The following SETD7 variants were observed in gnomAD, a reference collection of about 807,000 sequenced individuals.
SETD7 encodes histone-lysine N-methyltransferase SETD7.
Under a neutral mutation model 41.8 loss-of-function variants are expected in SETD7, and 16 were observed. The ratio of observed to expected loss-of-function variants is 0.38; its 90% CI spans 0.26 to 0.58. SETD7 has a LOEUF of 0.58. Among genes scored for constraint, SETD7 ranks in the 20% least tolerant of loss-of-function variants. The probability of loss-of-function intolerance (pLI) is 0.64; values close to 1 mark genes in which losing one functional copy is unlikely to be tolerated. For synonymous variants in SETD7, 163 were observed against 169.7 expected, an observed-to-expected ratio of 0.96 and a Z score of 0.31; for missense variants, 346 against 459.7, an observed-to-expected ratio of 0.75 and a Z score of 2.26.
At position 139,556,097 on chromosome 4, in the gene SETD7, C is replaced by G; in HGVS notation, c.40+1G>C. On this transcript the variant is annotated splice_donor_variant, in intron 1 of 7. Transcript: ENST00000274031. LOFTEE classifies it high-confidence loss of function. ...CCCCGGCCCCGGAGAAATGCTTGTA[C>G]CTTCCACCGCCTCCTCCACCATCTC... The G allele has an allele frequency of 6.2e-7, 1 of 1,601,854 alleles. No individual in the cohort carries two copies. The highest frequency in any genetic ancestry group is 8.5e-7 in the Non-Finnish European group (1 of 1,174,988).
At chr4:139,529,965 A>G (rs941341794) in intron 3 of SETD7, among the ~76,000 whole-genome samples, 3 of 152,202 alleles carry the variant, frequency 2.0e-5, no homozygotes, top group Middle Eastern at 3.2e-3. Flanking sequence ...ACTTAGCTTC[A>G]TGCTTAACTC....
chr4:139,497,488 T>G, intron 7 of SETD7, among the ~76,000 whole-genome samples: 1 of 151,848 alleles, frequency 6.6e-6, no homozygotes, highest in Admixed American at 6.6e-5. Context: ...ATAAAAAAAT[T>G]TAAAAAGCCC....
At chr4:139,539,155 C>A (rs140197689) in intron 2 of SETD7, among the ~76,000 whole-genome samples, 3 of 152,214 alleles carry the variant, frequency 2.0e-5, no homozygotes, top group Non-Finnish European at 4.4e-5. Flanking sequence ...GGACCTTCCG[C>A]CTCCTGGGGC....
downstream of SETD7, among the ~76,000 whole-genome samples, chr4:139,502,244 C>T (rs1286665757): frequency 1.3e-5 from 2 of 152,170 alleles, no homozygotes; most frequent in Non-Finnish European, 2.9e-5. Context: ...CCTGTCTATT[C>T]TAGAGGGAGG....
intron 5 of SETD7, among the ~76,000 whole-genome samples, chr4:139,522,331 T>G (rs534926042): frequency 4.4e-4 from 67 of 152,178 alleles, no homozygotes; most frequent in Non-Finnish European, 8.5e-4. Context: ...TAAACAGATC[T>G]GTTGCTAAGG....
intron 5 of SETD7, among the ~76,000 whole-genome samples, chr4:139,522,656 TAGA>T (rs1727208402): frequency 6.6e-6 from 1 of 150,438 alleles, no homozygotes; most frequent in Non-Finnish European, 1.5e-5. Flanking sequence ...AATGTTCCCC[TAGA>T]GGGCCAGCAT....
At chr4:139,544,211 G>C (rs1272800152) in intron 2 of SETD7, among the ~76,000 whole-genome samples, 6 of 151,612 alleles carry the variant, frequency 4.0e-5, no homozygotes, top group Non-Finnish European at 7.4e-5. Context: ...AGGATCACCC[G>C]AGTCCAGGGA....
chr4:139,521,267 A>C (rs1222513233), intron 5 of SETD7, among the ~76,000 whole-genome samples: 1 of 151,206 alleles, frequency 6.6e-6, no homozygotes, highest in Non-Finnish European at 1.5e-5. Context: ...CTCTACTAAA[A>C]ATACAAAAAA....
chr4:139,537,102 A>G (rs1038060022), intron 2 of SETD7, among the ~76,000 whole-genome samples: 5 of 152,042 alleles, frequency 3.3e-5, no homozygotes, highest in African/African-American at 1.2e-4. Flanking sequence ...CAGCCTCCCA[A>G]ATAGCCGGGA....
At chr4:139,524,332 G>C (rs1295548406) in intron 4 of SETD7, among the ~76,000 whole-genome samples, 2 of 152,226 alleles carry the variant, frequency 1.3e-5, no homozygotes, top group African/African-American at 2.4e-5. Context: ...GACCATTTGA[G>C]TGTTTCAAAA....
chr4:139,517,805 G>C, intron 7 of SETD7, 80 bp downstream of exon 7: 1 of 1,451,948 alleles, frequency 6.9e-7, no homozygotes, highest in Non-Finnish European at 9.3e-7. Flanking sequence ...ATCTGAGGCA[G>C]AATAACACTT....
Position 139,509,890 on chromosome 4 carries a change from G to C in SETD7, c.*1773C>G. ...CCATTGGCTTAAGCTTTCAAGCAGG[G>C]ATCCAACTGGATCTCCCTGAAACCA... On this transcript the variant is annotated 3_prime_UTR_variant, in exon 8 of 8. Transcript: ENST00000274031. 1.0e-6 allele frequency: 1 copy of C among 985,382 alleles called. No homozygotes were observed. The highest frequency in any genetic ancestry group is 1.2e-6 in the Non-Finnish European group (1 of 829,900). The allele number at this position is 985,382 out of a possible 1,614,324, so 61.0% of individuals were successfully genotyped here.
downstream of SETD7, among the ~76,000 whole-genome samples, chr4:139,505,481 T>G (rs56989504): frequency 6.6e-6 from 1 of 151,856 alleles, no homozygotes; most frequent in South Asian, 2.1e-4. Flanking sequence ...CCCAGCTACT[T>G]GGGAGGCTGA....
chr4:139,494,366 C>G (rs945296832), downstream of SETD7, among the ~76,000 whole-genome samples: 4 of 152,124 alleles, frequency 2.6e-5, no homozygotes, highest in African/African-American at 7.2e-5. Context: ...ACTGGTGAAC[C>G]ATTCTTTCAA....
Position 139,510,112 on chromosome 4 carries a change from A to G in SETD7, c.*1551T>C, listed in dbSNP as rs1489249393. ...AGAAATAGCAAACTTCCTTCTGCCT[A>G]TGTCCTCACTCTTCTTCCACTGAAG... On this transcript the variant is annotated 3_prime_UTR_variant, in exon 8 of 8. Coordinates refer to ENST00000274031, the MANE Select transcript of SETD7 (RefSeq NM_030648.4). The G allele has an allele frequency of 6.5e-6, 1 of 152,750 alleles. No homozygotes were observed. The highest frequency in any genetic ancestry group is 2.4e-5 in the African/African-American group (1 of 41,462). The allele number at this position is 152,750 out of a possible 1,614,324, so 9.5% of individuals were successfully genotyped here. A position where few individuals can be genotyped will look rare whatever the true frequency, so the allele number is the denominator to read the frequency against.
At chr4:139,523,525 T>G in intron 4 of SETD7, 90 bp from the exon 5 acceptor site, 6 of 860,112 alleles carry the variant, frequency 7.0e-6, no homozygotes, top group Non-Finnish European at 9.3e-6. Flanking sequence ...AACGAAGAGT[T>G]AAAAAACCAA....
chr4:139,504,043 T>A (rs886647948), downstream of SETD7, among the ~76,000 whole-genome samples: 2 of 151,886 alleles, frequency 1.3e-5, no homozygotes, highest in Non-Finnish European at 1.5e-5. Context: ...AAAGGCAGAG[T>A]GGAAAGATGG....
In SETD7 at chr4:139,520,214, A is replaced by G. The variant is rs188619267; in HGVS notation, c.762+63T>C. 23 of 816,012 alleles carry G rather than the reference A, an allele frequency of 2.8e-5. No individual in the cohort carries two copies. In the Middle Eastern group the frequency reaches 7.0e-4, roughly 25 times the overall value. The allele number at this position is 816,012 out of a possible 1,614,324, so 50.5% of individuals were successfully genotyped here. On this transcript the variant is annotated intron_variant, in intron 6 of 7. Transcript: ENST00000274031. ...TTCTAGTGAGTACTAAGGTAAAGGG[A>G]TTTTGTTTGAAGCAAAGCCCTTTAA...
At chr4:139,521,586 A>T (rs1727181997) in intron 5 of SETD7, among the ~76,000 whole-genome samples, 1 of 152,226 alleles carries the variant, frequency 6.6e-6, no homozygotes. Context: ...TCAACTCTTT[A>T]TTTCTTCGCT....
Sources: allele counts gnomAD v4.1 joint callset (sites outside exome capture counted in the v4.1 genomes callset), GRCh38; gene constraint gnomAD v4.1.1; transcripts MANE v1.5; gene names NCBI Gene and HGNC (gene_info 2026-07-23, HGNC 2026-07-21).